The following MEIKIN variants were observed in gnomAD, a reference collection of about 807,000 sequenced individuals.
MEIKIN encodes meiotic kinetochore factor, also known as meiosis-specific kinetochore protein.
chr5:131,892,308 T>A (rs1417368475), intron 8 of MEIKIN, among the ~76,000 whole-genome samples: 1 of 152,198 alleles, frequency 6.6e-6, no homozygotes, highest in Admixed American at 6.5e-5. Context: ...TCCTGCAGAG[T>A]GTTTTCCAGC....
chr5:131,852,740 G>A (rs1750135717), intron 10 of MEIKIN, among the ~76,000 whole-genome samples: 1 of 152,006 alleles, frequency 6.6e-6, no homozygotes. Flanking sequence ...GATGATAGTT[G>A]CACAGTTTTT....
chr5:131,934,767 C>A (rs936022481), intron 4 of MEIKIN, among the ~76,000 whole-genome samples: 36 of 152,114 alleles, frequency 2.4e-4, no homozygotes, highest in Non-Finnish European at 4.6e-4. Flanking sequence ...TATTAAAAGA[C>A]AAGCTATAGG....
chr5:131,867,286 C>T (rs767917346), intron 9 of MEIKIN, among the ~76,000 whole-genome samples: 2 of 152,152 alleles, frequency 1.3e-5, no homozygotes, highest in Non-Finnish European at 2.9e-5. Flanking sequence ...TCCCCAGTCC[C>T]CATACATGTA....
chr5:131,909,030 C>G (rs887545255), intron 8 of MEIKIN, among the ~76,000 whole-genome samples: 4 of 152,084 alleles, frequency 2.6e-5, no homozygotes, highest in Non-Finnish European at 5.9e-5. Context: ...AATGCAATCC[C>G]TATCAAAATA....
At chr5:131,888,616 T>C (rs1235678242) in intron 8 of MEIKIN, among the ~76,000 whole-genome samples, 1 of 152,130 alleles carries the variant, frequency 6.6e-6, no homozygotes, top group African/African-American at 2.4e-5. Context: ...ATTAGCCCTT[T>C]GTCAGATGAG....
intron 11 of MEIKIN, among the ~76,000 whole-genome samples, chr5:131,827,312 A>G (rs907672216): frequency 2.0e-5 from 3 of 152,196 alleles, no homozygotes; most frequent in African/African-American, 7.2e-5. Flanking sequence ...TGAATCAAAA[A>G]TTGTTAAGAA....
chr5:131,878,114 G>A (rs1580886174), intron 9 of MEIKIN, among the ~76,000 whole-genome samples: 1 of 152,124 alleles, frequency 6.6e-6, no homozygotes, highest in East Asian at 1.9e-4. Context: ...CACAGATGAG[G>A]GGGGACTACT....
At chr5:131,875,777 G>C (rs1750601495) in intron 9 of MEIKIN, among the ~76,000 whole-genome samples, 1 of 152,158 alleles carries the variant, frequency 6.6e-6, no homozygotes, top group Admixed American at 6.5e-5. Context: ...AAACAGCATG[G>C]TACTGGTACC....
chr5:131,849,575 C>T (rs1477355069), intron 11 of MEIKIN, among the ~76,000 whole-genome samples: 2 of 113,498 alleles, frequency 1.8e-5, no homozygotes, highest in African/African-American at 6.5e-5. Context: ...TATAAAGAAA[C>T]CTCTTTTCTT....
At chr5:131,917,856 G>A (rs1451478821) in intron 6 of MEIKIN, among the ~76,000 whole-genome samples, 1 of 152,136 alleles carries the variant, frequency 6.6e-6, no homozygotes, top group Non-Finnish European at 1.5e-5. Context: ...TCCTCAAAGG[G>A]AGGTTCTCAA....
chr5:131,820,196 T>C (rs1316906324), intron 11 of MEIKIN, among the ~76,000 whole-genome samples: 1 of 150,312 alleles, frequency 6.7e-6, no homozygotes, highest in Non-Finnish European at 1.5e-5. Context: ...CTCAGCCTCC[T>C]GAGTAGATGG....
At chr5:131,855,266 G>A (rs1211406725) in intron 9 of MEIKIN, among the ~76,000 whole-genome samples, 1 of 152,158 alleles carries the variant, frequency 6.6e-6, no homozygotes, top group East Asian at 1.9e-4. Context: ...TTCTGGAGCT[G>A]TGAAATATAT....
chr5:131,839,112 C>T (rs1385549484), intron 11 of MEIKIN, among the ~76,000 whole-genome samples: 1 of 152,126 alleles, frequency 6.6e-6, no homozygotes, highest in African/African-American at 2.4e-5. Context: ...ATTATTTACC[C>T]AAATGTCATT....
At chr5:131,905,159 AT>A (rs1751223418) in intron 8 of MEIKIN, among the ~76,000 whole-genome samples, 2 of 152,182 alleles carry the variant, frequency 1.3e-5, no homozygotes. Context: ...ACCCCATACA[AT>A]TAAATGGAAA....
At chr5:131,931,311 C>T (rs189857215) in intron 5 of MEIKIN, among the ~76,000 whole-genome samples, 75 of 152,290 alleles carry the variant, frequency 4.9e-4, no homozygotes, top group Non-Finnish European at 8.7e-4. Context: ...CTTTCTCTCC[C>T]GAGGGAGAAG....
intron 5 of MEIKIN, among the ~76,000 whole-genome samples, chr5:131,925,955 C>A (rs562416985): frequency 3.3e-5 from 5 of 152,276 alleles, no homozygotes; most frequent in African/African-American, 1.2e-4. Flanking sequence ...GTGTGAGCCA[C>A]CACACCCAGC....
At chr5:131,937,991 G>A (rs1382883458) in intron 4 of MEIKIN, among the ~76,000 whole-genome samples, 1 of 151,732 alleles carries the variant, frequency 6.6e-6, no homozygotes, top group Admixed American at 6.6e-5. Flanking sequence ...TTAATTCTAG[G>A]AAAATTTCTA....
At chr5:131,856,798 T>C (rs1229832187) in intron 9 of MEIKIN, among the ~76,000 whole-genome samples, 3 of 151,540 alleles carry the variant, frequency 2.0e-5, no homozygotes, top group Non-Finnish European at 4.4e-5. Context: ...TATATATATA[T>C]ATATTTCTAA....
chr5:131,891,956 A>G (rs1006447378), intron 8 of MEIKIN, among the ~76,000 whole-genome samples: 2 of 151,968 alleles, frequency 1.3e-5, no homozygotes, highest in Non-Finnish European at 2.9e-5. Flanking sequence ...AAAGGATTTT[A>G]TTTCTCCTTC....
Sources: gnomAD v4.1 joint callset for allele counts (sites outside exome capture counted in the v4.1 genomes callset) on GRCh38, gnomAD v4.1.1 for gene constraint, MANE v1.5 for transcripts, NCBI Gene and HGNC (gene_info 2026-07-23, HGNC 2026-07-21) for gene names.